TNIK: variants seen among roughly 807,000 people sequenced by gnomAD.
The protein encoded by TNIK is TRAF2 and NCK interacting kinase, also known as TRAF2 and NCK-interacting protein kinase.
TNIK carries 49 observed loss-of-function variants against 191.3 expected under a neutral mutation model. The ratio of observed to expected loss-of-function variants is 0.26; its 90% CI spans 0.20 to 0.32. The LOEUF (loss-of-function observed/expected upper bound fraction) is 0.32. Among genes scored for constraint, TNIK ranks in the 10% least tolerant of loss-of-function variants. TNIK has a pLI of 1.00. For synonymous variants in TNIK, 594 were observed against 600.9 expected, an observed-to-expected ratio of 0.99 and a Z score of 0.17; for missense variants, 1,155 against 1,702.3, an observed-to-expected ratio of 0.68 and a Z score of 5.66.
chr3:171,246,135 T>G (rs1745569082), intron 2 of TNIK, among the ~76,000 whole-genome samples: 2 of 152,136 alleles, frequency 1.3e-5, no homozygotes, highest in Non-Finnish European at 2.9e-5. Flanking sequence ...TTCTGCCTTA[T>G]TCCCTGAGCC....
intron 4 of TNIK, among the ~76,000 whole-genome samples, chr3:171,195,829 C>T (rs1286783677): frequency 1.3e-5 from 2 of 152,068 alleles, no homozygotes; most frequent in Non-Finnish European, 2.9e-5. Flanking sequence ...GGAAGTGCCA[C>T]AAGTAGACTA....
chr3:171,161,781 G>A (rs973770992), intron 10 of TNIK, among the ~76,000 whole-genome samples: 14 of 151,806 alleles, frequency 9.2e-5, no homozygotes, highest in South Asian at 2.1e-4. Flanking sequence ...TTAGCCGGGC[G>A]TGGTGGCGGG....
chr3:171,184,566 G>C (rs1461697874), intron 7 of TNIK, among the ~76,000 whole-genome samples: 1 of 152,174 alleles, frequency 6.6e-6, no homozygotes, highest in Non-Finnish European at 1.5e-5. Flanking sequence ...TGCTATCTGG[G>C]TCATCTTCCT....
intron 1 of TNIK, among the ~76,000 whole-genome samples, chr3:171,444,669 G>C (rs1024492721): frequency 2.0e-5 from 3 of 151,296 alleles, no homozygotes; most frequent in African/African-American, 7.3e-5. Flanking sequence ...TCAATTTCAA[G>C]TATCTTTGAG....
At chr3:171,241,728 G>C (rs2109041125) in intron 2 of TNIK, among the ~76,000 whole-genome samples, 1 of 152,262 alleles carries the variant, frequency 6.6e-6, no homozygotes, top group African/African-American at 2.4e-5. Context: ...TTAAGAATGA[G>C]GCTGTGCTAT....
chr3:171,063,795 G>A lies in TNIK; in HGVS notation c.*86C>T, dbSNP rs2108294831. On this transcript the variant is annotated 3_prime_UTR_variant, in exon 33 of 33. Transcript: ENST00000436636. ...ATGTTCAACCAAGCCTTCTGATTCTGCCTCTAGACTGGCATAAGTCCACAT... is the reference window on the plus strand; with the variant it reads ...ATGTTCAACCAAGCCTTCTGATTCTACCTCTAGACTGGCATAAGTCCACAT... 4 of 1,358,346 alleles carry A rather than the reference G, an allele frequency of 2.9e-6. No homozygotes were observed. The highest frequency in any genetic ancestry group is 4.1e-6 in the Non-Finnish European group (4 of 976,936). 84.1% of individuals were successfully genotyped at this position (1,358,346 alleles called of 1,614,324 possible). A position where few individuals can be genotyped will look rare whatever the true frequency, so the allele number is the denominator to read the frequency against.
chr3:171,420,882 G>A (rs533211185), intron 1 of TNIK, among the ~76,000 whole-genome samples: 3 of 152,172 alleles, frequency 2.0e-5, no homozygotes, highest in Non-Finnish European at 2.9e-5. Context: ...CCTGATTCAC[G>A]TCCTGGGCAG....
At chr3:171,293,355 C>T (rs1751904706) in intron 2 of TNIK, among the ~76,000 whole-genome samples, 1 of 152,204 alleles carries the variant, frequency 6.6e-6, no homozygotes, top group Admixed American at 6.5e-5. Context: ...AAGCCTCCAG[C>T]CAAACCTGGT....
chr3:171,122,619 TTA>T (rs1236264254), intron 18 of TNIK, among the ~76,000 whole-genome samples: 5 of 152,182 alleles, frequency 3.3e-5, no homozygotes, highest in Non-Finnish European at 7.3e-5. Context: ...AATTAAAACT[TTA>T]TGATTTAAAG....
intron 2 of TNIK, among the ~76,000 whole-genome samples, chr3:171,228,768 A>T (rs1166853449): frequency 6.6e-6 from 1 of 152,184 alleles, no homozygotes; most frequent in Admixed American, 6.5e-5. Context: ...AACATTAGGA[A>T]CTGCTTCCCC....
At chr3:171,257,204 C>G (rs1389252600) in intron 2 of TNIK, among the ~76,000 whole-genome samples, 1 of 152,188 alleles carries the variant, frequency 6.6e-6, no homozygotes. Flanking sequence ...AGGAACCATG[C>G]TGTAGAACCA....
chr3:171,216,969 G>C (rs1741528543), intron 3 of TNIK, among the ~76,000 whole-genome samples: 1 of 151,966 alleles, frequency 6.6e-6, no homozygotes, highest in South Asian at 2.1e-4. Flanking sequence ...GCAGCACCTG[G>C]ATTTGCTGTA....
chr3:171,106,159 G>A (rs1724841753), intron 21 of TNIK, among the ~76,000 whole-genome samples: 2 of 152,150 alleles, frequency 1.3e-5, no homozygotes, highest in African/African-American at 4.8e-5. Flanking sequence ...TCTCCTACCT[G>A]CCAAAATAGC....
intron 4 of TNIK, among the ~76,000 whole-genome samples, chr3:171,196,982 C>T (rs1423123842): frequency 6.6e-6 from 1 of 152,188 alleles, no homozygotes; most frequent in Non-Finnish European, 1.5e-5. Context: ...GTCTCGATCT[C>T]CTGACTTTGT....
chr3:171,185,516 A>T (rs2108814554), intron 7 of TNIK, among the ~76,000 whole-genome samples: 1 of 152,284 alleles, frequency 6.6e-6, no homozygotes, highest in African/African-American at 2.4e-5. Context: ...CTTTCCTTTC[A>T]CTTGAAGTGT....
At chr3:171,122,197 G>A (rs1445355157) in intron 18 of TNIK, among the ~76,000 whole-genome samples, 6 of 152,192 alleles carry the variant, frequency 3.9e-5, no homozygotes, top group African/African-American at 1.4e-4. Flanking sequence ...ACTTAAAGTT[G>A]AAATAATACT....
chr3:171,224,879 C>T (rs1742784365), intron 3 of TNIK, among the ~76,000 whole-genome samples: 1 of 152,044 alleles, frequency 6.6e-6, no homozygotes, highest in African/African-American at 2.4e-5. Flanking sequence ...AATTCTGAAG[C>T]AAATGTTGGC....
intron 1 of TNIK, among the ~76,000 whole-genome samples, chr3:171,412,761 A>T (rs1722569853): frequency 1.3e-5 from 2 of 152,198 alleles, no homozygotes; most frequent in Non-Finnish European, 2.9e-5. Context: ...TAGTTTCTAA[A>T]CTTTCTGAGC....
At chr3:171,351,872 A>T (rs144878178) in intron 2 of TNIK, among the ~76,000 whole-genome samples, 2 of 152,214 alleles carry the variant, frequency 1.3e-5, no homozygotes, top group African/African-American at 2.4e-5. Flanking sequence ...ACCATTCAAC[A>T]CAAAAGTTAA....
Sources: gnomAD v4.1 joint callset for allele counts (sites outside exome capture counted in the v4.1 genomes callset) on GRCh38, gnomAD v4.1.1 for gene constraint, MANE v1.5 for transcripts, NCBI Gene and HGNC (gene_info 2026-07-23, HGNC 2026-07-21) for gene names.